TMEM138: variants seen among roughly 807,000 people sequenced by gnomAD.
TMEM138 encodes the protein transmembrane protein 138.
A neutral mutation model predicts 18.1 loss-of-function variants in TMEM138; 9 were observed. The ratio of observed to expected loss-of-function variants is 0.50; its 90% CI spans 0.30 to 0.87. TMEM138 has a LOEUF of 0.87. Ranked by LOEUF, TMEM138 falls within the 40% of genes least tolerant of loss-of-function variation. TMEM138 has a pLI of 0.06. For synonymous variants in TMEM138, 79 were observed against 74.8 expected (o/e 1.06, Z -0.29); for missense variants, 189 against 190.6 (o/e 0.99, Z 0.05).
intron 2 of TMEM138, among the ~76,000 whole-genome samples, chr11:61,365,115 G>A (rs1442012069): frequency 6.6e-6 from 1 of 150,442 alleles, no homozygotes; most frequent in Non-Finnish European, 1.5e-5. Context: ...TTGAACCTGG[G>A]AGGCAGAGGT....
chr11:61,367,828 A>G, intron 3 of TMEM138, 95 bp from the exon 4 acceptor site: 1 of 784,874 alleles, frequency 1.3e-6, no homozygotes, highest in Admixed American at 1.9e-5. Flanking sequence ...GGTTAGCATG[A>G]TTTTAAAGCA....
chr11:61,374,957 A>AAAAC (rs771720941), downstream of TMEM138, among the ~76,000 whole-genome samples: 40 of 152,254 alleles, frequency 2.6e-4, no homozygotes, highest in Middle Eastern at 3.4e-3. Flanking sequence ...CTCCATCTCA[A>AAAAC]AAACAAACAA....
intron 2 of TMEM138, 111 bp from the exon 3 acceptor site, chr11:61,365,934 A>T (rs1590626007): frequency 1.5e-6 from 2 of 1,336,620 alleles, no homozygotes; most frequent in East Asian, 2.5e-5. Flanking sequence ...AAGATGTCAG[A>T]TGCCTATCTC....
rs753097086 is a variant in TMEM138 at position 61,368,901 on chromosome 11, C to T, written c.*192C>T. Reference sequence around the variant, plus strand: ...AGAGTGTCCCCATCGGTCTCCAGTGCGGCATCCCTTCCTTGCCTTCTACCT... The same window carrying T: ...AGAGTGTCCCCATCGGTCTCCAGTGTGGCATCCCTTCCTTGCCTTCTACCT... On this transcript the variant is annotated 3_prime_UTR_variant, in exon 5 of 5. Coordinates refer to ENST00000278826, the MANE Select transcript of TMEM138 (RefSeq NM_016464.5). The T allele has an allele frequency of 1.2e-5, 7 of 591,200 alleles. No individual in the cohort carries two copies. The highest frequency in any genetic ancestry group is 3.8e-5 in the South Asian group (2 of 51,966). The allele number at this position is 591,200 out of a possible 1,614,324, so 36.6% of individuals were successfully genotyped here.
intron 4 of TMEM138, 37 bp from the exon 5 acceptor site, chr11:61,368,560 G>T (rs747123242): frequency 6.9e-7 from 1 of 1,449,442 alleles, no homozygotes; most frequent in Non-Finnish European, 9.7e-7. Flanking sequence ...ATACTCAGGA[G>T]CACCCCTGAG....
Position 61,368,691 on chromosome 11 carries a change from C to T in TMEM138, c.471C>T (p.Phe157=). Residue 157 remains phenylalanine (F), a synonymous_variant, in exon 5 of 5, where the codon TTC becomes TTT. Transcript: ENST00000278826. ...ACTCTTTGTGGCTGCGCAAGGAGTT[C>T]ATGCAAGTTCGAAGGTGACCTCTTG... is the stretch of plus-strand genomic sequence containing the variant. The part of the protein sequence containing the change: ...YQDSLWLRKE[F]MQVRR 6.2e-7 allele frequency: 1 copy of T among 1,613,866 alleles called. No individual in the cohort carries two copies. The highest frequency in any genetic ancestry group is 8.5e-7 in the Non-Finnish European group (1 of 1,179,860).
At chr11:61,366,463 TTTC>T (rs1329875814) in intron 3 of TMEM138, 1 of 423,708 alleles carries the variant, frequency 2.4e-6, no homozygotes, top group Non-Finnish European at 4.1e-6. Flanking sequence ...TTTCTTTTCT[TTTC>T]TTTTCTTTTT....
chr11:61,374,412 A>G (rs1377215341), downstream of TMEM138, among the ~76,000 whole-genome samples: 1 of 151,914 alleles, frequency 6.6e-6, no homozygotes, highest in East Asian at 1.9e-4. Flanking sequence ...CAGCCTCCCA[A>G]AGTACTGGGA....
chr11:61,370,024 C>T (rs1162996946), downstream of TMEM138, among the ~76,000 whole-genome samples: 1 of 152,202 alleles, frequency 6.6e-6, no homozygotes, highest in Non-Finnish European at 1.5e-5. Flanking sequence ...AAAGAATTTG[C>T]CGACAAGGCT....
At chr11:61,375,042 A>C (rs528674560), downstream of TMEM138, among the ~76,000 whole-genome samples, 19 of 152,318 alleles carry the variant, frequency 1.2e-4, no homozygotes, top group African/African-American at 4.6e-4. Context: ...ATCAGAATAG[A>C]GGAAAAACTT....
At chr11:61,365,993 C>T in intron 2 of TMEM138, 52 bp from the exon 3 acceptor site, 2 of 1,571,566 alleles carry the variant, frequency 1.3e-6, no homozygotes, top group Non-Finnish European at 1.7e-6. Context: ...AGTACCTGCT[C>T]TTGGGTCCTC....
chr11:61,373,952 C>T (rs1003384650), downstream of TMEM138, among the ~76,000 whole-genome samples: 3 of 152,050 alleles, frequency 2.0e-5, no homozygotes, highest in Non-Finnish European at 4.4e-5. Flanking sequence ...AAGCAATTCT[C>T]CTGCCTCAGG....
chr11:61,371,890 A>T (rs1308005303), downstream of TMEM138, among the ~76,000 whole-genome samples: 1 of 152,088 alleles, frequency 6.6e-6, no homozygotes, highest in Non-Finnish European at 1.5e-5. Context: ...AAAGGGTTAA[A>T]TTTGGGCCGG....
chr11:61,368,432 T>A (rs1189033865), intron 4 of TMEM138, 165 bp from the exon 5 acceptor site: 1 of 572,384 alleles, frequency 1.7e-6, no homozygotes, highest in Admixed American at 3.0e-5. Flanking sequence ...TTTCACCGTG[T>A]TAGCCAGGAT....
rs1267153496 is a variant in TMEM138, at chr11:61,368,684, A to G, written c.464A>G (p.Lys155Arg). Residue 155 changes from lysine (K) to arginine (R), a missense_variant, in exon 5 of 5, where the codon AAG becomes AGG. Physicochemically the swap from Lys to Arg is conservative, Grantham distance 26. Transcript: ENST00000278826. ...TACCAGGACTCTTTGTGGCTGCGCA[A>G]GGAGTTCATGCAAGTTCGAAGGTGA... ...HFYQDSLWLR[K>R]EFMQVRR The G allele has an allele frequency of 6.2e-7, 1 of 1,613,968 alleles. No individual in the cohort carries two copies. The highest frequency in any genetic ancestry group is 2.2e-5 in the East Asian group (1 of 44,904).
At position 61,366,208 on chromosome 11, in the gene TMEM138, T is replaced by TG. The variant is rs1258681286; in HGVS notation, c.295dup (p.Val99GlyfsTer37). On this transcript the variant is annotated frameshift_variant, in exon 3 of 5. Coordinates refer to ENST00000278826, the MANE Select transcript of TMEM138 (RefSeq NM_016464.5). LOFTEE classifies it high-confidence loss of function. ...TGCCCTCAGCATCTCCCTTCATGTC[T>TG]GGGTCATGGTAAGAGTGGCAGTCTG... 6.2e-7 allele frequency: 1 copy of TG among 1,612,528 alleles called. No homozygotes were observed. Among genetic ancestry groups the TG allele is most frequent in the Non-Finnish European group, 8.5e-7 (1 of 1,179,548 alleles).
At chr11:61,367,081 G>A (rs1858180561) in intron 3 of TMEM138, 1 of 152,224 alleles carries the variant, frequency 6.6e-6, no homozygotes, top group Non-Finnish European at 1.5e-5. Context: ...AGTGCCCCAT[G>A]GCTAATGCTG....
Position 61,366,191 on chromosome 11 carries a change from G to C in TMEM138, c.275G>C (p.Ser92Thr). 6.2e-7 allele frequency: 1 copy of C among 1,614,014 alleles called. No individual in the cohort carries two copies. Among genetic ancestry groups the C allele is most frequent in the Non-Finnish European group, 8.5e-7 (1 of 1,179,956 alleles). The change falls in exon 3 of 5, where the codon AGC (serine) becomes ACC (threonine). Residue 92 changes from serine to threonine, a missense_variant. Coordinates refer to ENST00000278826, the MANE Select transcript of TMEM138 (RefSeq NM_016464.5). Reference protein sequence around the residue: ...IILTAVYFALSISLHVWVMNL... With the variant: ...IILTAVYFALTISLHVWVMNL... ...CTGACAGCTGTGTACTTTGCCCTCAGCATCTCCCTTCATGTCTGGGTCATG... is the reference window on the plus strand; with the variant it reads ...CTGACAGCTGTGTACTTTGCCCTCACCATCTCCCTTCATGTCTGGGTCATG...
intron 4 of TMEM138, chr11:61,368,211 T>G (rs921312202): frequency 6.0e-6 from 4 of 670,814 alleles, no homozygotes; most frequent in South Asian, 3.0e-5. Context: ...GTTCTGTTCT[T>G]TTTGTTTGTT....
Sources: allele counts gnomAD v4.1 joint callset (sites outside exome capture counted in the v4.1 genomes callset), GRCh38; gene constraint gnomAD v4.1.1; transcripts MANE v1.5; gene names NCBI Gene and HGNC (gene_info 2026-07-23, HGNC 2026-07-21).